The following KIF23 variants were observed in gnomAD, a reference collection of about 807,000 sequenced individuals.
KIF23 encodes kinesin family member 23, also known as kinesin-like protein KIF23.
In KIF23, 30 loss-of-function variants were observed where a neutral mutation model predicts 137.5. That is an observed-to-expected ratio of 0.22 (90% CI 0.16 to 0.30). The LOEUF (loss-of-function observed/expected upper bound fraction) is 0.30. Among genes scored for constraint, KIF23 ranks in the 10% least tolerant of loss-of-function variants. KIF23 has a pLI of 1.00. For missense variants in KIF23, 920 were observed against 1,194.3 expected (o/e 0.77, Z 3.38); for synonymous variants, 367 against 391.1 (o/e 0.94, Z 0.73).
At chr15:69,442,135 A>G (rs968157588) in intron 19 of KIF23, among the ~76,000 whole-genome samples, 1 of 152,154 alleles carries the variant, frequency 6.6e-6, no homozygotes, top group Non-Finnish European at 1.5e-5. Context: ...CTCTTTTAAT[A>G]TAAAATAGTC....
chr15:69,419,806 G>A (rs2057008248), intron 3 of KIF23, among the ~76,000 whole-genome samples: 1 of 152,082 alleles, frequency 6.6e-6, no homozygotes, highest in Non-Finnish European at 1.5e-5. Flanking sequence ...AGGTCTTTAA[G>A]GATATAATAT....
chr15:69,435,067 A>C (rs1158825305), intron 11 of KIF23: 11 of 500,392 alleles, frequency 2.2e-5, no homozygotes, highest in Non-Finnish European at 3.6e-5. Context: ...CACAGACGAT[A>C]TTCTTCCCCC....
chr15:69,437,381 G>A (rs2057507782), intron 15 of KIF23, among the ~76,000 whole-genome samples: 1 of 151,124 alleles, frequency 6.6e-6, no homozygotes, highest in Non-Finnish European at 1.5e-5. Flanking sequence ...AGATAAATAA[G>A]ATAAAGTATG....
chr15:69,422,208 A>G (rs1409023301), intron 5 of KIF23, 80 bp downstream of exon 5: 2 of 1,513,162 alleles, frequency 1.3e-6, no homozygotes, highest in Non-Finnish European at 1.8e-6. Context: ...AGAAGAACCA[A>G]AGCACTGGAT....
chr15:69,422,812 T>G (rs1300791755), intron 6 of KIF23: 1 of 260,302 alleles, frequency 3.8e-6, no homozygotes, highest in South Asian at 6.2e-5. Context: ...TACTTTTTTT[T>G]TTTTTTGAGA....
chr15:69,421,801 T>A, intron 4 of KIF23, 49 bp downstream of exon 4: 1 of 1,407,816 alleles, frequency 7.1e-7, no homozygotes, highest in Non-Finnish European at 9.9e-7. Flanking sequence ...TTTCTCCTCT[T>A]CTGATAAAAC....
Position 69,414,459 on chromosome 15 carries a change from T to C in KIF23, c.-7T>C. The C allele has an allele frequency of 1.9e-6, 3 of 1,589,586 alleles. No individual in the cohort carries two copies. In the South Asian group the frequency reaches 3.4e-5, roughly 18 times the overall value. ...ATGCGCGTTTGGGCGGCGTGGAGCCTGCTGCCATGAAGTCAGCGTGAGTAC... is the reference window on the plus strand; with the variant it reads ...ATGCGCGTTTGGGCGGCGTGGAGCCCGCTGCCATGAAGTCAGCGTGAGTAC... On this transcript the variant is annotated 5_prime_UTR_variant, in exon 1 of 24. Coordinates refer to ENST00000679126, the MANE Select transcript of KIF23 (RefSeq NM_001367805.3).
At position 69,414,370 on chromosome 15, in the gene KIF23, G is replaced by T. The variant is rs1454694987; in HGVS notation, c.-96G>T. 1 of 1,509,974 alleles carries T rather than the reference G, an allele frequency of 6.6e-7. No individual in the cohort carries two copies. The highest frequency in any genetic ancestry group is 8.9e-7 in the Non-Finnish European group (1 of 1,117,474). The allele number at this position is 1,509,974 out of a possible 1,614,324, so 93.5% of individuals were successfully genotyped here. A position where few individuals can be genotyped will look rare whatever the true frequency, so the allele number is the denominator to read the frequency against. On this transcript the variant is annotated 5_prime_UTR_variant, in exon 1 of 24. Coordinates refer to ENST00000679126, the MANE Select transcript of KIF23 (RefSeq NM_001367805.3). ...CTTCGCAGAGCACCGCGCCTTAGCC[G>T]CGAAGTTCTAGTTCTTGCTGCCGGT...
intron 23 of KIF23, among the ~76,000 whole-genome samples, chr15:69,447,145 A>C (rs1470519838): frequency 1.3e-5 from 2 of 152,230 alleles, no homozygotes; most frequent in Non-Finnish European, 1.5e-5. Context: ...GGATAAGAGC[A>C]ATCAGAGCTG....
Position 69,439,795 on chromosome 15 carries a change from A to G in KIF23, c.1756-109A>G, listed in dbSNP as rs2057570150. 8 of 742,496 alleles carry G rather than the reference A, an allele frequency of 1.1e-5. No homozygotes were observed. The South Asian group carries it at 2.0e-4, about 19-fold the overall frequency. 46.0% of individuals were successfully genotyped at this position (742,496 alleles called of 1,614,324 possible). A position where few individuals can be genotyped will look rare whatever the true frequency, so the allele number is the denominator to read the frequency against. ...TAGAGAAAAAAGTGCTTTCTCCATGATGTTTCTTTCCACAAATATGCTTGC... is the reference window on the plus strand; with the variant it reads ...TAGAGAAAAAAGTGCTTTCTCCATGGTGTTTCTTTCCACAAATATGCTTGC... On this transcript the variant is annotated intron_variant, in intron 16 of 23. Transcript: ENST00000679126.
At chr15:69,441,107 T>G (rs750528418) in intron 19 of KIF23, 28 bp downstream of exon 19, 2 of 1,543,352 alleles carry the variant, frequency 1.3e-6, no homozygotes, top group Non-Finnish European at 1.8e-6. Flanking sequence ...TTTAACGCAT[T>G]GTAGCAATAG....
intron 23 of KIF23, among the ~76,000 whole-genome samples, chr15:69,447,181 G>A (rs1312247371): frequency 6.6e-6 from 1 of 152,224 alleles, no homozygotes; most frequent in Non-Finnish European, 1.5e-5. Flanking sequence ...TGGAAGATTG[G>A]TGGCTCATGT....
intron 23 of KIF23, 135 bp downstream of exon 23, chr15:69,447,076 C>G (rs1337481791): frequency 1.2e-6 from 1 of 811,276 alleles, no homozygotes; most frequent in East Asian, 2.6e-5. Context: ...CTTGGACTAT[C>G]TGGGCCTCCA....
intron 10 of KIF23, chr15:69,427,628 A>G (rs749509278): frequency 5.7e-6 from 2 of 350,258 alleles, no homozygotes; most frequent in Non-Finnish European, 1.1e-5. Context: ...GGTCCCCCAT[A>G]TGCAGATCAC....
At chr15:69,424,684 G>A (rs567358663) in intron 7 of KIF23, among the ~76,000 whole-genome samples, 129 of 152,100 alleles carry the variant, frequency 8.5e-4, no homozygotes, top group Non-Finnish European at 1.6e-3. Flanking sequence ...TTCTTGTAGA[G>A]ATAGGAGTGA....
chr15:69,428,660 CAAAAAAAAA>C (rs59950355), intron 10 of KIF23, among the ~76,000 whole-genome samples: 3 of 74,042 alleles, frequency 4.1e-5, no homozygotes, highest in South Asian at 6.4e-4. Context: ...CTCTGTCTCC[CAAAAAAAAA>C]AAAAAAAAAA....
chr15:69,415,219 T>A (rs979002552), intron 1 of KIF23, among the ~76,000 whole-genome samples: 1 of 152,144 alleles, frequency 6.6e-6, no homozygotes, highest in Non-Finnish European at 1.5e-5. Context: ...AATCTTTAGA[T>A]GAAAAAAATT....
intron 19 of KIF23, among the ~76,000 whole-genome samples, 195 bp downstream of exon 19, chr15:69,441,274 C>T (rs1396009158): frequency 6.6e-6 from 1 of 152,178 alleles, no homozygotes; most frequent in Non-Finnish European, 1.5e-5. Context: ...CTAAACACAT[C>T]TGGCAGCGGA....
intron 20 of KIF23, 42 bp from the exon 21 acceptor site, chr15:69,445,967 G>T (rs150213296): frequency 7.4e-7 from 1 of 1,343,096 alleles, no homozygotes; most frequent in Admixed American, 1.8e-5. Context: ...TTTTCGTTTG[G>T]GTGTATCAAT....
Sources: allele counts gnomAD v4.1 joint callset (sites outside exome capture counted in the v4.1 genomes callset), GRCh38; gene constraint gnomAD v4.1.1; transcripts MANE v1.5; gene names NCBI Gene and HGNC (gene_info 2026-07-23, HGNC 2026-07-21).